FAM83B: variants seen among roughly 807,000 people sequenced by gnomAD.
The protein encoded by FAM83B is scaffolding CK1 anchoring protein B, also known as protein FAM83B.
In FAM83B, 26 loss-of-function variants were observed where a neutral mutation model predicts 38.8. That is an observed-to-expected ratio of 0.67 (90% CI 0.49 to 0.93). FAM83B has a LOEUF of 0.93. FAM83B is among the 40% of genes least tolerant of loss of function. The pLI, the probability that FAM83B is intolerant of heterozygous loss-of-function variation, is 0.00. For synonymous variants in FAM83B, 419 were observed against 423.1 expected (o/e 0.99, Z 0.12); for missense variants, 1,237 against 1,197.3 (o/e 1.03, Z -0.49).
At chr6:54,847,170 A>G (rs1581872816) in intron 1 of FAM83B, among the ~76,000 whole-genome samples, 1 of 150,870 alleles carries the variant, frequency 6.6e-6, no homozygotes, top group Non-Finnish European at 1.5e-5. Context: ...CCTCTTTTCC[A>G]GTGTAGGAGT....
intron 2 of FAM83B, among the ~76,000 whole-genome samples, chr6:54,873,501 T>G (rs1771912411): frequency 6.6e-6 from 1 of 152,172 alleles, no homozygotes; most frequent in Admixed American, 6.5e-5. Flanking sequence ...ACTCAACAGA[T>G]GTCATGCTCT....
chr6:54,889,098 A>T (rs1329190573), intron 2 of FAM83B, among the ~76,000 whole-genome samples: 1 of 151,964 alleles, frequency 6.6e-6, no homozygotes, highest in African/African-American at 2.4e-5. Flanking sequence ...CAGTCCTATA[A>T]TTCTCATTAG....
rs1466123523 is a variant in FAM83B at position 54,940,460 on chromosome 6, A to G, written c.1489A>G (p.Ile497Val). 6.2e-7 allele frequency: 1 copy of G among 1,614,006 alleles called. No individual in the cohort carries two copies. Among genetic ancestry groups the G allele is most frequent in the Non-Finnish European group, 8.5e-7 (1 of 1,180,026 alleles). ...TTKSFLRNWRIESYLNDHSEA... is the reference protein window; with the variant it reads ...TTKSFLRNWRVESYLNDHSEA... ...AAAGTCATTCCTACGTAACTGGAGA[A>G]TTGAATCCTACTTAAATGATCATTC... Residue 497 changes from isoleucine to valine, a missense_variant, in exon 5 of 5, where the codon ATT becomes GTT. Coordinates refer to ENST00000306858, the MANE Select transcript of FAM83B (RefSeq NM_001010872.3).
chr6:54,895,799 G>A (rs1206450673), intron 2 of FAM83B, among the ~76,000 whole-genome samples: 1 of 152,050 alleles, frequency 6.6e-6, no homozygotes, highest in African/African-American at 2.4e-5. Flanking sequence ...GGAGTGCAGT[G>A]GGGTGATCTT....
At chr6:54,935,998 A>G (rs1035796140) in intron 4 of FAM83B, among the ~76,000 whole-genome samples, 1 of 152,066 alleles carries the variant, frequency 6.6e-6, no homozygotes, top group Non-Finnish European at 1.5e-5. Context: ...AAGGCCCACT[A>G]AAATTTTGGG....
In FAM83B at chr6:54,940,512, C is replaced by A; in HGVS notation, c.1541C>A (p.Ser514Ter). Residue 514 changes from serine (S) to a stop codon, truncating the protein, a stop_gained, in exon 5 of 5, where the codon TCA (serine) becomes TAA (stop). Coordinates refer to ENST00000306858, the MANE Select transcript of FAM83B (RefSeq NM_001010872.3). LOFTEE classifies it low-confidence loss of function (END_TRUNC). ...HSEATPDSNG[S>*]ALGDRFEGYD... Reference sequence around the variant, plus strand: ...GAAGCTACACCGGACTCAAATGGATCAGCTTTAGGTGACCGATTTGAGGGC... The same window carrying A: ...GAAGCTACACCGGACTCAAATGGATAAGCTTTAGGTGACCGATTTGAGGGC... 1.2e-6 allele frequency: 2 copies of A among 1,614,088 alleles called. No individual in the cohort carries two copies. Among genetic ancestry groups the A allele is most frequent in the Non-Finnish European group, 1.7e-6 (2 of 1,180,016 alleles).
At chr6:54,928,125 C>T (rs142097998) in intron 4 of FAM83B, among the ~76,000 whole-genome samples, 1 of 152,276 alleles carries the variant, frequency 6.6e-6, no homozygotes, top group East Asian at 1.9e-4. Flanking sequence ...CCCTAATACT[C>T]TCTTGTAAAT....
At chr6:54,893,477 CT>C (rs1772450847) in intron 2 of FAM83B, among the ~76,000 whole-genome samples, 1 of 151,986 alleles carries the variant, frequency 6.6e-6, no homozygotes, top group African/African-American at 2.4e-5. Context: ...TTCTGGTTAT[CT>C]GTTTAGTATC....
intron 1 of FAM83B, among the ~76,000 whole-genome samples, chr6:54,851,631 C>A (rs1201231717): frequency 6.7e-6 from 1 of 148,930 alleles, no homozygotes; most frequent in Admixed American, 6.7e-5. Context: ...CGCTACCATG[C>A]CCGGCTAATT....
intron 1 of FAM83B, among the ~76,000 whole-genome samples, chr6:54,867,910 A>G (rs370052601): frequency 6.6e-6 from 1 of 152,174 alleles, no homozygotes; most frequent in Non-Finnish European, 1.5e-5. Flanking sequence ...ATGAACAACT[A>G]GTAGTTACCT....
chr6:54,908,631 C>A (rs186687782), intron 2 of FAM83B, among the ~76,000 whole-genome samples: 1 of 152,212 alleles, frequency 6.6e-6, no homozygotes, highest in East Asian at 1.9e-4. Context: ...TCAGCTATAG[C>A]TCATCATAGA....
chr6:54,847,669 C>T (rs1561900738), intron 1 of FAM83B, among the ~76,000 whole-genome samples: 1 of 152,064 alleles, frequency 6.6e-6, no homozygotes, highest in Non-Finnish European at 1.5e-5. Context: ...GCAGAGAATG[C>T]CTGTGTTCAT....
chr6:54,930,414 G>A (rs1773394625), intron 4 of FAM83B, among the ~76,000 whole-genome samples: 1 of 152,028 alleles, frequency 6.6e-6, no homozygotes, highest in African/African-American at 2.4e-5. Flanking sequence ...AAGCACACCT[G>A]GGGGCCTGGT....
Position 54,940,418 on chromosome 6 carries a change from A to G in FAM83B, c.1447A>G (p.Thr483Ala), listed in dbSNP as rs375437689. 22 of 1,613,962 alleles carry G rather than the reference A, an allele frequency of 1.4e-5. No homozygotes were observed. Among genetic ancestry groups the G allele is most frequent in the African/African-American group, 1.2e-4 (9 of 74,916 alleles). Residue 483 changes from threonine to alanine, a missense_variant, in exon 5 of 5, where the codon ACC becomes GCC. By Grantham distance (58) the Thr-to-Ala change is moderately conservative. Coordinates refer to ENST00000306858, the MANE Select transcript of FAM83B (RefSeq NM_001010872.3). ...HIRFLQQRMP[T>A]LEHTTKSFLR... ...CCGCTTTTTGCAACAACGAATGCCA[A>G]CCCTTGAACATACCACAAAGTCATT...
chr6:54,905,403 G>A (rs1434013558), intron 2 of FAM83B, among the ~76,000 whole-genome samples: 1 of 152,112 alleles, frequency 6.6e-6, no homozygotes, highest in Non-Finnish European at 1.5e-5. Flanking sequence ...TGTTTATCAG[G>A]TACAATGTGA....
intron 4 of FAM83B, among the ~76,000 whole-genome samples, chr6:54,936,910 T>G (rs1245052454): frequency 6.7e-6 from 1 of 148,796 alleles, no homozygotes; most frequent in African/African-American, 2.5e-5. Context: ...TTCTTTTAAG[T>G]CAGCCCAGTG....
At chr6:54,906,332 A>C (rs935800796) in intron 2 of FAM83B, among the ~76,000 whole-genome samples, 9 of 152,146 alleles carry the variant, frequency 5.9e-5, no homozygotes, top group Non-Finnish European at 1.0e-4. Context: ...CTATTTTATC[A>C]GATTTTATTA....
intron 2 of FAM83B, among the ~76,000 whole-genome samples, chr6:54,877,848 T>C (rs1772036898): frequency 6.6e-6 from 1 of 152,176 alleles, no homozygotes; most frequent in Non-Finnish European, 1.5e-5. Context: ...GATTACATAT[T>C]CCTAATCGGA....
intron 2 of FAM83B, among the ~76,000 whole-genome samples, chr6:54,890,159 T>C (rs1772368726): frequency 6.6e-6 from 1 of 152,098 alleles, no homozygotes; most frequent in African/African-American, 2.4e-5. Flanking sequence ...GTCAAAACTT[T>C]TTTGAGTATA....
Sources: gnomAD v4.1 joint callset for allele counts (sites outside exome capture counted in the v4.1 genomes callset) on GRCh38, gnomAD v4.1.1 for gene constraint, MANE v1.5 for transcripts, NCBI Gene and HGNC (gene_info 2026-07-23, HGNC 2026-07-21) for gene names.